MBD5: variants seen among roughly 807,000 people sequenced by gnomAD.
MBD5 encodes methyl-CpG binding domain protein 5, also known as methyl-CpG-binding domain protein 5.
MBD5 carries 13 observed loss-of-function variants against 117.3 expected under a neutral mutation model. The ratio of observed to expected loss-of-function variants is 0.11; its 90% confidence interval spans 0.07 to 0.18. The LOEUF (loss-of-function observed/expected upper bound fraction) is 0.18, where lower values mean the gene tolerates loss of function less well. Among genes scored for constraint, MBD5 ranks in the 10% least tolerant of loss-of-function variants. The pLI is 1.00. For synonymous variants in MBD5, 727 were observed against 766.4 expected (o/e 0.95, Z 0.85); for missense variants, 1,879 against 2,093.8 (o/e 0.90, Z 2.00).
chr2:148,189,451 G>A (rs1698774559), intron 2 of MBD5, among the ~76,000 whole-genome samples: 1 of 144,828 alleles, frequency 6.9e-6, no homozygotes, highest in Non-Finnish European at 1.5e-5. Flanking sequence ...CCTGACCCGT[G>A]ACCCCCGAGC....
chr2:148,045,677 G>C (rs1439168460), intron 1 of MBD5, among the ~76,000 whole-genome samples: 1 of 152,084 alleles, frequency 6.6e-6, no homozygotes, highest in East Asian at 1.9e-4. Context: ...TAAACAACTT[G>C]GATTAGGTCA....
chr2:148,211,017 G>A (rs1699410069), intron 2 of MBD5, among the ~76,000 whole-genome samples: 1 of 152,126 alleles, frequency 6.6e-6, no homozygotes, highest in Non-Finnish European at 1.5e-5. Flanking sequence ...GCTGTAATCT[G>A]CCAGTGGAAG....
intron 1 of MBD5, among the ~76,000 whole-genome samples, chr2:148,058,060 AC>A (rs1694918941): frequency 6.6e-6 from 1 of 152,006 alleles, no homozygotes; most frequent in Admixed American, 6.5e-5. Context: ...AATACTTTAA[AC>A]ATCGCAATGA....
intron 3 of MBD5, among the ~76,000 whole-genome samples, chr2:148,261,436 A>T (rs1459494557): frequency 1.3e-5 from 2 of 152,132 alleles, no homozygotes; most frequent in African/African-American, 4.8e-5. Flanking sequence ...TTTTGTGGAG[A>T]TGGCTTCTTT....
At chr2:148,150,695 T>C (rs1697633401) in intron 1 of MBD5, among the ~76,000 whole-genome samples, 1 of 152,078 alleles carries the variant, frequency 6.6e-6, no homozygotes, top group Non-Finnish European at 1.5e-5. Context: ...TTTATTCTCT[T>C]TGAAGCAATT....
intron 1 of MBD5, among the ~76,000 whole-genome samples, chr2:148,122,143 C>T (rs1471455170): frequency 4.6e-5 from 7 of 152,072 alleles, no homozygotes; most frequent in African/African-American, 9.7e-5. Flanking sequence ...TTTGCACAAG[C>T]GACCATTTGA....
intron 5 of MBD5, among the ~76,000 whole-genome samples, chr2:148,461,049 C>T (rs1707057053): frequency 6.6e-6 from 1 of 152,172 alleles, no homozygotes; most frequent in Non-Finnish European, 1.5e-5. Context: ...TCTCATGCCT[C>T]AGCCTCCCGA....
chr2:148,045,356 C>T (rs1024107219), intron 1 of MBD5, among the ~76,000 whole-genome samples: 11 of 152,112 alleles, frequency 7.2e-5, no homozygotes, highest in Non-Finnish European at 1.5e-4. Flanking sequence ...TTATGCATTG[C>T]TAAATTTGAA....
intron 3 of MBD5, among the ~76,000 whole-genome samples, chr2:148,317,868 A>G (rs1458207695): frequency 1.3e-5 from 2 of 152,216 alleles, no homozygotes; most frequent in African/African-American, 4.8e-5. Context: ...GATGATGGAC[A>G]CTTAAGTTGA....
In MBD5 at chr2:148,123,584, A is replaced by G. The variant is rs909081467; in HGVS notation, c.-924-55116A>G. Among the ~76,000 whole-genome samples, 12 of 152,302 alleles carry G rather than the reference A, an allele frequency of 7.9e-5. No homozygotes were observed. In the East Asian group the frequency reaches 2.3e-3, roughly 29 times the overall value. On this transcript the variant is annotated intron_variant, in intron 1 of 13. Transcript: ENST00000642680. ...ATGGATAATATAGGTTGTGTTTTGAATGTGTTCTTTGTATGTTTAGTATGT... is the reference window on the plus strand; with the variant it reads ...ATGGATAATATAGGTTGTGTTTTGAGTGTGTTCTTTGTATGTTTAGTATGT...
chr2:148,420,333 C>T (rs1157633280), intron 4 of MBD5, among the ~76,000 whole-genome samples: 1 of 152,156 alleles, frequency 6.6e-6, no homozygotes, highest in African/African-American at 2.4e-5. Context: ...TTTTCAGTAA[C>T]ACAGTTAGCA....
chr2:148,253,998 GC>G (rs1368151971), intron 3 of MBD5, among the ~76,000 whole-genome samples: 1 of 152,080 alleles, frequency 6.6e-6, no homozygotes, highest in Admixed American at 6.5e-5. Flanking sequence ...CACGCTCTAG[GC>G]CAGGGGCACC....
intron 1 of MBD5, among the ~76,000 whole-genome samples, chr2:148,033,982 T>G (rs1257424455): frequency 1.3e-5 from 2 of 152,210 alleles, no homozygotes; most frequent in Non-Finnish European, 2.9e-5. Context: ...TTCGGAAAGC[T>G]TATTAGAATG....
At chr2:148,408,155 G>T (rs1384289701) in intron 4 of MBD5, among the ~76,000 whole-genome samples, 1 of 152,096 alleles carries the variant, frequency 6.6e-6, no homozygotes, top group Non-Finnish European at 1.5e-5. Context: ...TCTTCAAATG[G>T]TACCTTCAAT....
At chr2:148,132,208 A>G (rs937308253) in intron 1 of MBD5, among the ~76,000 whole-genome samples, 8 of 151,984 alleles carry the variant, frequency 5.3e-5, no homozygotes, top group Admixed American at 4.6e-4. Context: ...TTGTTAGAGG[A>G]TTACAAAAAG....
intron 1 of MBD5, among the ~76,000 whole-genome samples, chr2:148,035,311 AATT>A (rs1694161325): frequency 6.6e-6 from 1 of 152,128 alleles, no homozygotes; most frequent in African/African-American, 2.4e-5. Context: ...AGGAAAATGA[AATT>A]ATATTACTAT....
At chr2:148,039,735 G>A (rs896996846) in intron 1 of MBD5, among the ~76,000 whole-genome samples, 8 of 152,000 alleles carry the variant, frequency 5.3e-5, no homozygotes, top group South Asian at 2.1e-4. Flanking sequence ...AAAATACTAC[G>A]TGGAATAGGA....
chr2:148,048,164 G>C (rs889173996), intron 1 of MBD5, among the ~76,000 whole-genome samples: 16 of 152,186 alleles, frequency 1.1e-4, no homozygotes, highest in African/African-American at 3.9e-4. Flanking sequence ...TCAAAAAAAG[G>C]TTACTAACTA....
chr2:148,263,553 A>C (rs186393385), intron 3 of MBD5, among the ~76,000 whole-genome samples: 1 of 152,286 alleles, frequency 6.6e-6, no homozygotes, highest in Non-Finnish European at 1.5e-5. Context: ...AATCACTTAG[A>C]TTAGGAAGTT....
Sources: allele counts gnomAD v4.1 joint callset (sites outside exome capture counted in the v4.1 genomes callset), GRCh38; gene constraint gnomAD v4.1.1; transcripts MANE v1.5; gene names NCBI Gene and HGNC (gene_info 2026-07-23, HGNC 2026-07-21).